Variants in HEATR5A observed in about 807,000 individuals in gnomAD.
HEATR5A encodes the protein HEAT repeat containing 5A, also known as HEAT repeat-containing protein 5A.
A neutral mutation model predicts 218.8 loss-of-function variants in HEATR5A; 178 were observed. The observed-to-expected ratio is 0.81, with a 90% CI of 0.72 to 0.92. HEATR5A has a LOEUF of 0.92. Among genes scored for constraint, HEATR5A ranks in the 40% least tolerant of loss-of-function variants. The probability of loss-of-function intolerance (pLI) is 0.00; values close to 1 mark genes in which losing one functional copy is unlikely to be tolerated. For missense variants in HEATR5A, 2,420 were observed against 2,418.9 expected (o/e 1.00, Z -0.01); for synonymous variants, 864 against 871.6 (o/e 0.99, Z 0.15).
intron 1 of HEATR5A, among the ~76,000 whole-genome samples, chr14:31,416,582 G>T (rs2031457510): frequency 2.0e-5 from 3 of 148,890 alleles, no homozygotes; most frequent in South Asian, 2.1e-4. Context: ...TTCTTTTCTA[G>T]AAATAAATAT....
Position 31,344,268 on chromosome 14 carries a change from CTTTTTTTTT to C in HEATR5A, c.3059-212_3059-204del, listed in dbSNP as rs577497140. 1.6e-3 allele frequency among the ~76,000 whole-genome samples: 81 copies of C among 50,836 alleles called. 2 individuals are homozygous for C. The highest frequency in any genetic ancestry group is 5.9e-3 in the Admixed American group (18 of 3,060). 33.4% of individuals were successfully genotyped at this position (50,836 alleles called of 152,430 possible). A position where few individuals can be genotyped will look rare whatever the true frequency, so the allele number is the denominator to read the frequency against. ...GTTACAGATTGTTAGATTAGTTATT[CTTTTTTTTT>C]TTTTTTTTTTTTTTTTTTGAGACAG... On this transcript the variant is annotated intron_variant, in intron 20 of 35. Transcript: ENST00000543095.
chr14:31,356,513 T>C (rs1026896623), intron 16 of HEATR5A, among the ~76,000 whole-genome samples: 1 of 152,214 alleles, frequency 6.6e-6, no homozygotes, highest in Non-Finnish European at 1.5e-5. Context: ...TGGTTACAGG[T>C]GTAAACTACT....
At chr14:31,333,242 GTTTTTC>G (rs1170200284) in intron 22 of HEATR5A, among the ~76,000 whole-genome samples, 4 of 151,974 alleles carry the variant, frequency 2.6e-5, no homozygotes, top group Non-Finnish European at 1.5e-5. Context: ...CAAAACAACA[GTTTTTC>G]TTTTTCTTTC....
chr14:31,417,796 A>G (rs555795379), intron 1 of HEATR5A, among the ~76,000 whole-genome samples: 1 of 152,032 alleles, frequency 6.6e-6, no homozygotes, highest in East Asian at 1.9e-4. Flanking sequence ...AAAACTTTAC[A>G]CTAGGTAAAT....
At chr14:31,320,437 G>A (rs1420868365) in intron 25 of HEATR5A, 40 of 1,327,632 alleles carry the variant, frequency 3.0e-5, no homozygotes, top group Non-Finnish European at 3.1e-5. Flanking sequence ...TAAACTTGGC[G>A]GCTGTGTCAG....
intron 14 of HEATR5A, among the ~76,000 whole-genome samples, chr14:31,359,643 T>C (rs930656608): frequency 6.8e-6 from 1 of 147,612 alleles, no homozygotes; most frequent in Non-Finnish European, 1.5e-5. Context: ...GGAAAATCGC[T>C]TGAATCTGGG....
chr14:31,317,131 T>C (rs1899937232), intron 26 of HEATR5A, among the ~76,000 whole-genome samples: 1 of 152,110 alleles, frequency 6.6e-6, no homozygotes, highest in Non-Finnish European at 1.5e-5. Flanking sequence ...TTCATACATT[T>C]AATGTAGTTC....
chr14:31,395,178 C>A, intron 5 of HEATR5A, 21 bp downstream of exon 5: 1 of 1,454,972 alleles, frequency 6.9e-7, no homozygotes, highest in South Asian at 1.4e-5. Flanking sequence ...TTTTTAAAGT[C>A]TGCTTATTAG....
intron 1 of HEATR5A, among the ~76,000 whole-genome samples, chr14:31,404,446 T>A (rs1299470439): frequency 6.6e-6 from 1 of 152,188 alleles, no homozygotes. Flanking sequence ...TCTCCAACAG[T>A]TTACCTGTTT....
chr14:31,347,063 C>A (rs1021796416), intron 19 of HEATR5A, among the ~76,000 whole-genome samples: 1 of 152,140 alleles, frequency 6.6e-6, no homozygotes, highest in Non-Finnish European at 1.5e-5. Flanking sequence ...TCTTAAGCCT[C>A]AGTTTTATTT....
chr14:31,349,629 C>T (rs950487024), intron 18 of HEATR5A, among the ~76,000 whole-genome samples, 160 bp downstream of exon 18: 9 of 152,092 alleles, frequency 5.9e-5, no homozygotes, highest in Non-Finnish European at 8.8e-5. Flanking sequence ...CAAGACCAGC[C>T]GGCCAATTTT....
chr14:31,330,788 C>T (rs1205068796), intron 22 of HEATR5A, among the ~76,000 whole-genome samples: 2 of 151,120 alleles, frequency 1.3e-5, no homozygotes, highest in Admixed American at 6.6e-5. Flanking sequence ...GAGACTCTGT[C>T]TCAAAAAAAG....
intron 1 of HEATR5A, among the ~76,000 whole-genome samples, chr14:31,403,260 T>G (rs1203505674): frequency 6.6e-6 from 1 of 152,140 alleles, no homozygotes; most frequent in Middle Eastern, 3.4e-3. Flanking sequence ...AAAAATAGAG[T>G]AGCAATATTT....
At chr14:31,360,792 C>A (rs1166418528) in intron 14 of HEATR5A, among the ~76,000 whole-genome samples, 2 of 151,898 alleles carry the variant, frequency 1.3e-5, no homozygotes, top group African/African-American at 2.4e-5. Flanking sequence ...CTTTCTGTAT[C>A]ATTAGCAGCA....
At chr14:31,375,861 G>A (rs1035375808) in intron 11 of HEATR5A, among the ~76,000 whole-genome samples, 8 of 152,120 alleles carry the variant, frequency 5.3e-5, no homozygotes, top group Admixed American at 5.2e-4. Flanking sequence ...ACAAAACAAT[G>A]TACAATGATA....
intron 13 of HEATR5A, among the ~76,000 whole-genome samples, chr14:31,369,252 G>T (rs1901926531): frequency 6.6e-6 from 1 of 152,024 alleles, no homozygotes; most frequent in Non-Finnish European, 1.5e-5. Context: ...GGAGCCTGGG[G>T]CTGCAGTGAA....
intron 21 of HEATR5A, among the ~76,000 whole-genome samples, chr14:31,338,415 A>G (rs1393831596): frequency 6.6e-6 from 1 of 152,160 alleles, no homozygotes; most frequent in African/African-American, 2.4e-5. Context: ...ATATATACAT[A>G]TTTATGTATT....
rs1164165012 is a variant in HEATR5A, at chr14:31,307,883, G to T, written c.4818+10C>A. On this transcript the variant is annotated intron_variant, in intron 30 of 35. Transcript: ENST00000543095. The stretch of plus-strand genomic sequence containing the variant: ...CAGAAGCCTTACAAAAAAAACCCCA[G>T]ATAAATCACCTGATCACTGCCAATT... 6.2e-7 allele frequency: 1 copy of T among 1,606,864 alleles called. No individual in the cohort carries two copies. Among genetic ancestry groups the T allele is most frequent in the Admixed American group, 1.7e-5 (1 of 57,970 alleles).
chr14:31,309,921 T>C (rs1566749089), intron 28 of HEATR5A, among the ~76,000 whole-genome samples: 1 of 152,082 alleles, frequency 6.6e-6, no homozygotes, highest in Non-Finnish European at 1.5e-5. Context: ...CAGGTTGGTC[T>C]TGAACTTCTG....
Sources: allele counts gnomAD v4.1 joint callset (sites outside exome capture counted in the v4.1 genomes callset), GRCh38; gene constraint gnomAD v4.1.1; transcripts MANE v1.5; gene names NCBI Gene and HGNC (gene_info 2026-07-23, HGNC 2026-07-21).